Variants in CAPN2 observed in about 807,000 individuals in gnomAD.
The protein encoded by CAPN2 is calpain 2, also known as calpain-2 catalytic subunit.
Under a neutral mutation model 102.3 loss-of-function variants are expected in CAPN2, and 92 were observed. The ratio of observed to expected loss-of-function variants is 0.90; its 90% CI spans 0.76 to 1.07. The LOEUF (loss-of-function observed/expected upper bound fraction) is 1.07. Among genes scored for constraint, CAPN2 ranks in the 50% least tolerant of loss-of-function variants. The pLI is 0.00. For synonymous variants in CAPN2, 340 were observed against 355.4 expected (o/e 0.96, Z 0.49); for missense variants, 800 against 909.4 (o/e 0.88, Z 1.55).
chr1:223,715,212 G>A (rs1008263684), intron 1 of CAPN2, among the ~76,000 whole-genome samples: 10 of 152,180 alleles, frequency 6.6e-5, no homozygotes, highest in Admixed American at 1.3e-4. Flanking sequence ...GTTTAGCAGA[G>A]CAATTTCAAT....
intron 12 of CAPN2, 76 bp from the exon 13 acceptor site, chr1:223,761,505 T>C (rs1571815294): frequency 1.6e-6 from 2 of 1,265,570 alleles, no homozygotes; most frequent in South Asian, 1.3e-5. Flanking sequence ...GCACTGCACT[T>C]CCATTTTAGC....
At chr1:223,735,786 C>CTT (rs67182964) in intron 2 of CAPN2, among the ~76,000 whole-genome samples, 99 of 147,354 alleles carry the variant, frequency 6.7e-4, no homozygotes, top group Admixed American at 1.7e-3. Flanking sequence ...CGTTTCTTTT[C>CTT]TTTTTTTTTT....
chr1:223,732,226 T>C (rs1660356464), intron 2 of CAPN2, among the ~76,000 whole-genome samples: 1 of 152,034 alleles, frequency 6.6e-6, no homozygotes, highest in Non-Finnish European at 1.5e-5. Flanking sequence ...TAAGAAAGGG[T>C]TCTTGGATCC....
At chr1:223,723,537 T>G (rs1440443818) in intron 2 of CAPN2, among the ~76,000 whole-genome samples, 1 of 152,142 alleles carries the variant, frequency 6.6e-6, no homozygotes, top group African/African-American at 2.4e-5. Flanking sequence ...GCTTCTCTTC[T>G]GGTTGTAAAT....
At position 223,768,663 on chromosome 1, in the gene CAPN2, G is replaced by A. The variant is rs1222149; in HGVS notation, c.1756-1178G>A. Among the ~76,000 whole-genome samples, 949 of 151,350 alleles carry A rather than the reference G, an allele frequency of 6.3e-3. 10 individuals are homozygous for A. Among genetic ancestry groups the A allele is most frequent in the African/African-American group, 0.021 (874 of 41,206 alleles). On this transcript the variant is annotated intron_variant, in intron 16 of 20. Coordinates refer to ENST00000295006, the MANE Select transcript of CAPN2 (RefSeq NM_001748.5). ...TCTTTTGGCTCAGGATTGACTTGGC[G>A]ATGCGGGCTCTTTTTTGGTTCCATA...
intron 2 of CAPN2, among the ~76,000 whole-genome samples, chr1:223,735,526 T>TAA (rs566489022): frequency 3.8e-5 from 5 of 131,506 alleles, no homozygotes; most frequent in East Asian, 2.2e-4. Flanking sequence ...AGACTCTATC[T>TAA]AAAAAAAAAA....
At chr1:223,772,029 G>C in intron 19 of CAPN2, 104 bp downstream of exon 19, 1 of 1,121,400 alleles carries the variant, frequency 8.9e-7, no homozygotes, top group South Asian at 1.3e-5. Flanking sequence ...TGTCTTCCAG[G>C]AGTTGAGAAT....
intron 11 of CAPN2, 93 bp downstream of exon 11, chr1:223,757,473 A>G: frequency 7.1e-7 from 1 of 1,413,262 alleles, no homozygotes; most frequent in South Asian, 1.2e-5. Flanking sequence ...AAGCCCGGGC[A>G]GGGGCTGGTG....
intron 2 of CAPN2, among the ~76,000 whole-genome samples, chr1:223,720,569 G>A (rs1055826686): frequency 3.3e-5 from 5 of 151,778 alleles, no homozygotes; most frequent in Non-Finnish European, 7.4e-5. Flanking sequence ...CACCCACCTC[G>A]GCCTCCCAAA....
Position 223,729,941 on chromosome 1 carries a change from G to A in CAPN2, c.307+12110G>A, listed in dbSNP as rs529604593. On this transcript the variant is annotated intron_variant, in intron 2 of 20. Coordinates refer to ENST00000295006, the MANE Select transcript of CAPN2 (RefSeq NM_001748.5). ...CGCTTGAACCCAGAAAGTGAAGGTT[G>A]CAGTGAGCCAGGATTGCACCACTGC... Among the ~76,000 whole-genome samples the A allele has an allele frequency of 9.7e-5, 14 of 144,670 alleles. No individual in the cohort carries two copies. In the Middle Eastern group the frequency reaches 0.012, roughly 121 times the overall value. 94.9% of individuals were successfully genotyped at this position (144,670 alleles called of 152,430 possible). A position where few individuals can be genotyped will look rare whatever the true frequency, so the allele number is the denominator to read the frequency against.
intron 2 of CAPN2, among the ~76,000 whole-genome samples, chr1:223,740,450 A>G (rs1660586709): frequency 6.6e-6 from 1 of 152,236 alleles, no homozygotes; most frequent in Non-Finnish European, 1.5e-5. Flanking sequence ...TGGCTGGAAC[A>G]GGACCTCCCA....
chr1:223,770,003 T>C, intron 17 of CAPN2, 94 bp downstream of exon 17: 1 of 1,001,482 alleles, frequency 1.0e-6, no homozygotes, highest in Non-Finnish European at 1.5e-6. Flanking sequence ...TGGAGAAACA[T>C]TTCCAAGGGG....
At chr1:223,749,905 G>C (rs192933533) in intron 6 of CAPN2, among the ~76,000 whole-genome samples, 14 of 152,100 alleles carry the variant, frequency 9.2e-5, no homozygotes, top group African/African-American at 3.4e-4. Flanking sequence ...AGCTACTCGG[G>C]AGGCTGAGGT....
intron 8 of CAPN2, 106 bp from the exon 9 acceptor site, chr1:223,752,690 C>A: frequency 2.9e-6 from 3 of 1,033,744 alleles, no homozygotes; most frequent in Non-Finnish European, 4.4e-6. Flanking sequence ...TTCTAATGAG[C>A]TGCTCTGCCT....
chr1:223,749,445 T>G, intron 6 of CAPN2: 1 of 441,404 alleles, frequency 2.3e-6, no homozygotes, highest in South Asian at 2.9e-5. Flanking sequence ...ATCTTCATAG[T>G]GTTTTATACT....
chr1:223,762,189 G>A lies in CAPN2; in HGVS notation c.1570G>A (p.Asp524Asn), dbSNP rs1211814217. 3 of 1,613,358 alleles carry A rather than the reference G, an allele frequency of 1.9e-6. No individual in the cohort carries two copies. Among genetic ancestry groups the A allele is most frequent in the Admixed American group, 3.3e-5 (2 of 59,982 alleles). ...DEIEANLEEF[D>N]ISEDDIDDGF... ...ATGTCTCTGCCTCACCTTCCAGTTCGACATCAGCGAGGATGACATTGATGA... is the reference window on the plus strand; with the variant it reads ...ATGTCTCTGCCTCACCTTCCAGTTCAACATCAGCGAGGATGACATTGATGA... The change falls in exon 14 of 21, where the codon GAC (aspartate) becomes AAC (asparagine). Residue 524 changes from aspartate to asparagine, a missense_variant. Asp to Asn is a conservative substitution (Grantham distance 23). Coordinates refer to ENST00000295006, the MANE Select transcript of CAPN2 (RefSeq NM_001748.5).
At chr1:223,711,960 G>A (rs761614477), upstream of CAPN2, among the ~76,000 whole-genome samples, 1 of 152,192 alleles carries the variant, frequency 6.6e-6, no homozygotes, top group Non-Finnish European at 1.5e-5. Context: ...AGTAATTGCA[G>A]CATTGTGATT....
At chr1:223,751,215 C>G (rs1011485638) in intron 7 of CAPN2, among the ~76,000 whole-genome samples, 1 of 152,182 alleles carries the variant, frequency 6.6e-6, no homozygotes, top group Non-Finnish European at 1.5e-5. Context: ...AAGTTCATTC[C>G]TGCCACTGCC....
intron 2 of CAPN2, among the ~76,000 whole-genome samples, chr1:223,738,930 C>T (rs1427904695): frequency 6.6e-6 from 1 of 152,230 alleles, no homozygotes; most frequent in African/African-American, 2.4e-5. Context: ...CCTAACTGCA[C>T]TCCTCCCTTC....
Sources: gnomAD v4.1 joint callset for allele counts (sites outside exome capture counted in the v4.1 genomes callset) on GRCh38, gnomAD v4.1.1 for gene constraint, MANE v1.5 for transcripts, NCBI Gene and HGNC (gene_info 2026-07-23, HGNC 2026-07-21) for gene names.